PDE7B: variants seen among roughly 807,000 people sequenced by gnomAD.
The protein encoded by PDE7B is 3',5'-cyclic-AMP phosphodiesterase 7B.
Under a neutral mutation model 56.2 loss-of-function variants are expected in PDE7B, and 29 were observed. That is an observed-to-expected ratio of 0.52 (90% confidence interval 0.38 to 0.70). PDE7B has a LOEUF of 0.70. PDE7B is among the 30% of genes least tolerant of loss of function. The pLI, the probability that PDE7B is intolerant of heterozygous loss-of-function variation, is 0.00. For missense variants in PDE7B, 490 were observed against 565.0 expected (o/e 0.87, Z 1.35); for synonymous variants, 197 against 196.9 (o/e 1.00, Z 0.00).
rs1779231233 is a variant in PDE7B, at chr6:136,191,845, C to A, written c.*5C>A. The A allele has an allele frequency of 3.2e-6, 5 of 1,546,160 alleles. No individual in the cohort carries two copies. The highest frequency in any genetic ancestry group is 1.4e-5 in the African/African-American group (1 of 72,924). ...CAGGAAGGCGACAGCCCCTAGGGGC[C>A]GGCCCAACTTAGACGCGGCTCTCCT... On this transcript the variant is annotated 3_prime_UTR_variant, in exon 13 of 13. Coordinates refer to ENST00000308191, the MANE Select transcript of PDE7B (RefSeq NM_018945.4).
chr6:136,075,416 G>A (rs1396967305), intron 2 of PDE7B, among the ~76,000 whole-genome samples: 1 of 152,120 alleles, frequency 6.6e-6, no homozygotes, highest in African/African-American at 2.4e-5. Flanking sequence ...CTCTTTGTAC[G>A]TAATGAATGA....
intron 3 of PDE7B, among the ~76,000 whole-genome samples, chr6:136,126,851 G>A (rs1465631139): frequency 1.3e-5 from 2 of 152,126 alleles, no homozygotes; most frequent in Non-Finnish European, 2.9e-5. Flanking sequence ...TGAGTTCAAT[G>A]TATACTGCTC....
intron 6 of PDE7B, 119 bp from the exon 7 acceptor site, chr6:136,153,956 T>A: frequency 7.6e-6 from 5 of 659,854 alleles, no homozygotes; most frequent in Non-Finnish European, 1.1e-5. Context: ...AAAGCATCTC[T>A]ATGCTGCACA....
intron 1 of PDE7B, among the ~76,000 whole-genome samples, chr6:135,917,845 C>T (rs762159712): frequency 6.6e-6 from 1 of 152,082 alleles, no homozygotes; most frequent in Non-Finnish European, 1.5e-5. Context: ...AAAGTGGCCT[C>T]CCTCTTAAAG....
chr6:135,967,978 G>A (rs564627201), intron 2 of PDE7B, among the ~76,000 whole-genome samples: 1 of 152,260 alleles, frequency 6.6e-6, no homozygotes, highest in South Asian at 2.1e-4. Context: ...CCTTGGCAAG[G>A]GTACTGTGGC....
At chr6:136,023,781 T>A (rs551759662) in intron 2 of PDE7B, among the ~76,000 whole-genome samples, 21 of 152,092 alleles carry the variant, frequency 1.4e-4, no homozygotes, top group African/African-American at 5.1e-4. Context: ...TAGATATCAA[T>A]ATAGATATAA....
intron 2 of PDE7B, among the ~76,000 whole-genome samples, chr6:136,041,188 C>G (rs1034137603): frequency 6.6e-6 from 1 of 152,128 alleles, no homozygotes; most frequent in Non-Finnish European, 1.5e-5. Context: ...TTTAATGGAA[C>G]CTTAAAAGTC....
intron 2 of PDE7B, among the ~76,000 whole-genome samples, chr6:136,048,295 A>G (rs535578759): frequency 6.6e-6 from 1 of 152,208 alleles, no homozygotes; most frequent in African/African-American, 2.4e-5. Context: ...AGGCCGAGGC[A>G]GGTGGATCAC....
chr6:135,937,762 C>G (rs1045542510), intron 1 of PDE7B, among the ~76,000 whole-genome samples: 1 of 152,210 alleles, frequency 6.6e-6, no homozygotes, highest in African/African-American at 2.4e-5. Flanking sequence ...CCAATGACCT[C>G]TGCTCTGTAG....
intron 2 of PDE7B, among the ~76,000 whole-genome samples, chr6:136,014,876 G>T (rs1187166265): frequency 1.3e-5 from 2 of 152,192 alleles, no homozygotes; most frequent in Admixed American, 1.3e-4. Flanking sequence ...AGTCCACACA[G>T]ATATCAGTGG....
chr6:136,003,396 A>C (rs1188797589), intron 2 of PDE7B, among the ~76,000 whole-genome samples: 2 of 152,198 alleles, frequency 1.3e-5, no homozygotes, highest in Non-Finnish European at 2.9e-5. Flanking sequence ...CCCTTCAAAA[A>C]ATTAATGAAT....
intron 2 of PDE7B, among the ~76,000 whole-genome samples, chr6:135,953,384 G>A (rs1774735231): frequency 6.6e-6 from 1 of 152,088 alleles, no homozygotes; most frequent in Non-Finnish European, 1.5e-5. Context: ...AAAGAACAGG[G>A]CATTGAAAGA....
At chr6:136,109,075 A>G (rs893155496) in intron 3 of PDE7B, among the ~76,000 whole-genome samples, 1 of 152,114 alleles carries the variant, frequency 6.6e-6, no homozygotes, top group Non-Finnish European at 1.5e-5. Flanking sequence ...CTGGCCAGGC[A>G]TGGTGGCTCA....
At chr6:135,857,362 A>T (rs1775055538) in intron 1 of PDE7B, among the ~76,000 whole-genome samples, 1 of 152,200 alleles carries the variant, frequency 6.6e-6, no homozygotes, top group South Asian at 2.1e-4. Context: ...GATGAAAATT[A>T]TTCCCATTGC....
At chr6:136,159,750 A>C (rs544299570) in intron 8 of PDE7B, among the ~76,000 whole-genome samples, 1 of 152,352 alleles carries the variant, frequency 6.6e-6, no homozygotes, top group South Asian at 2.1e-4. Context: ...CGGATTTAAA[A>C]TGTTCAATTA....
intron 2 of PDE7B, among the ~76,000 whole-genome samples, chr6:136,003,466 A>C (rs1473288773): frequency 1.3e-5 from 2 of 152,236 alleles, no homozygotes; most frequent in Non-Finnish European, 2.9e-5. Flanking sequence ...AAGACTAATA[A>C]AGAAGAAAAG....
At chr6:136,079,620 C>T (rs2128214921) in intron 2 of PDE7B, among the ~76,000 whole-genome samples, 1 of 151,666 alleles carries the variant, frequency 6.6e-6, no homozygotes, top group Non-Finnish European at 1.5e-5. Context: ...CCTGAGTTTT[C>T]CAAGCACTTT....
chr6:136,017,660 TA>T (rs1562470688), intron 2 of PDE7B, among the ~76,000 whole-genome samples: 1 of 152,178 alleles, frequency 6.6e-6, no homozygotes, highest in Non-Finnish European at 1.5e-5. Context: ...ACGTAAACTT[TA>T]AACTCTGGAT....
At position 136,141,370 on chromosome 6, in the gene PDE7B, G is replaced by A. The variant is rs140898441; in HGVS notation, c.167-5981G>A. 3.1e-3 allele frequency among the ~76,000 whole-genome samples: 477 copies of A among 152,322 alleles called. 2 individuals carry two copies. Among genetic ancestry groups the A allele is most frequent in the Middle Eastern group, 6.8e-3 (2 of 294 alleles). The stretch of plus-strand genomic sequence containing the variant: ...ATGTGCTGCTGGATTGGGTTTGCCA[G>A]TATTTTATTGAGGATACTTGCATTG... On this transcript the variant is annotated intron_variant, in intron 3 of 12. Transcript: ENST00000308191.
Sources: allele counts gnomAD v4.1 joint callset (sites outside exome capture counted in the v4.1 genomes callset), GRCh38; gene constraint gnomAD v4.1.1; transcripts MANE v1.5; gene names NCBI Gene and HGNC (gene_info 2026-07-23, HGNC 2026-07-21).